RTL4: variants seen among roughly 807,000 people sequenced by gnomAD.
The protein encoded by RTL4 is retrotransposon Gag-like protein 4.
A neutral mutation model predicts 5.3 loss-of-function variants in RTL4; 4 were observed. The observed-to-expected ratio is 0.75, with a 90% confidence interval of 0.37 to 1.72. The LOEUF (loss-of-function observed/expected upper bound fraction) is 1.72, where lower values mean the gene tolerates loss of function less well. Ranked by LOEUF, RTL4 falls within the 40% of genes most tolerant of loss-of-function variation. The probability of loss-of-function intolerance (pLI) is 0.04; values close to 1 mark genes in which losing one functional copy is unlikely to be tolerated. For missense variants in RTL4, 260 were observed against 227.1 expected (o/e 1.14, Z -0.93); for synonymous variants, 98 against 87.3 (o/e 1.12, Z -0.68).
At chrX:112,143,342 G>T in the RTL4 span, among the ~76,000 whole-genome samples, 1 of 110,601 alleles carries the variant, frequency 9.0e-6, no homozygotes, top group African/African-American at 3.3e-5. Context: ...AAATAAGTAG[G>T]TCTCAAGTAA....
At chrX:112,172,514 A>G in the RTL4 span, among the ~76,000 whole-genome samples, 1 of 111,828 alleles carries the variant, frequency 8.9e-6, no homozygotes, top group Non-Finnish European at 1.9e-5. Flanking sequence ...GATGCTGGTG[A>G]GCTTGTGTAG....
At chrX:112,328,657 C>G in the RTL4 span, among the ~76,000 whole-genome samples, 1 of 111,704 alleles carries the variant, frequency 9.0e-6, no homozygotes, top group Non-Finnish European at 1.9e-5. Flanking sequence ...ACCAAGAGGA[C>G]CTAATAGACA....
the RTL4 span, among the ~76,000 whole-genome samples, chrX:112,235,225 T>C: frequency 7.2e-5 from 8 of 111,824 alleles, no homozygotes; most frequent in Non-Finnish European, 1.5e-4. Context: ...ATCAATGGAC[T>C]CAGTCAAAGA....
At chrX:112,402,489 T>C in the RTL4 span, among the ~76,000 whole-genome samples, 156 of 109,180 alleles carry the variant, frequency 1.4e-3, 1 homozygote, top group African/African-American at 5.0e-3. Flanking sequence ...TGTTTATCCA[T>C]GTTATGCTGA....
At chrX:112,117,974 A>G in the RTL4 span, among the ~76,000 whole-genome samples, 1 of 111,780 alleles carries the variant, frequency 8.9e-6, no homozygotes, top group Non-Finnish European at 1.9e-5. Context: ...AAATTATGGT[A>G]TAACTTTAAA....
At chrX:112,129,321 T>A in the RTL4 span, among the ~76,000 whole-genome samples, 1 of 111,930 alleles carries the variant, frequency 8.9e-6, no homozygotes, top group Non-Finnish European at 1.9e-5. Flanking sequence ...TACCTGATGA[T>A]CCAGCAATTT....
the RTL4 span, among the ~76,000 whole-genome samples, chrX:112,206,486 T>G: frequency 9.0e-6 from 1 of 110,866 alleles, no homozygotes; most frequent in Non-Finnish European, 1.9e-5. Flanking sequence ...CCCAAAACAC[T>G]CTCCTCTCTA....
chrX:112,120,412 G>T, the RTL4 span, among the ~76,000 whole-genome samples: 18,607 of 110,400 alleles, frequency 0.17, 2,488 homozygotes, highest in African/African-American at 0.45. Context: ...AAGTAGCTGG[G>T]ACTACAGGCG....
chrX:112,423,603 T>G, the RTL4 span, among the ~76,000 whole-genome samples: 7 of 111,210 alleles, frequency 6.3e-5, no homozygotes, highest in East Asian at 1.7e-3. Context: ...AATCCCATAC[T>G]GACCAACTGT....
At chrX:112,182,738 C>T in the RTL4 span, among the ~76,000 whole-genome samples, 4 of 112,207 alleles carry the variant, frequency 3.6e-5, no homozygotes, top group Non-Finnish European at 7.5e-5. Flanking sequence ...AGTTGGAAAA[C>T]ACTCTTCAGG....
chrX:112,395,133 C>G, the RTL4 span, among the ~76,000 whole-genome samples: 1 of 111,756 alleles, frequency 8.9e-6, no homozygotes, highest in South Asian at 3.7e-4. Context: ...TAGTTGAAAG[C>G]TATTACTGAT....
At chrX:112,137,133 T>A in the RTL4 span, among the ~76,000 whole-genome samples, 14 of 110,937 alleles carry the variant, frequency 1.3e-4, no homozygotes, top group South Asian at 5.3e-3. Flanking sequence ...TAGGAATTCC[T>A]AGAACTCAAT....
chrX:112,367,523 C>A, the RTL4 span, among the ~76,000 whole-genome samples: 1 of 112,145 alleles, frequency 8.9e-6, no homozygotes, highest in Non-Finnish European at 1.9e-5. Context: ...CTCTATCACA[C>A]ATTTCTTGTT....
the RTL4 span, among the ~76,000 whole-genome samples, chrX:112,190,180 C>CTTTCTTTCTTTCTTTCTT: frequency 1.4e-3 from 143 of 100,427 alleles, 1 homozygote; most frequent in African/African-American, 3.9e-3. Flanking sequence ...TTCTTTCTTT[C>CTTTCTTTCTTTCTTTCTT]TTTCTTTCTT....
chrX:112,189,170 G>A, the RTL4 span, among the ~76,000 whole-genome samples: 13 of 111,003 alleles, frequency 1.2e-4, no homozygotes, highest in African/African-American at 4.3e-4. Flanking sequence ...AAGGTAGGAA[G>A]ATTGCTTGAA....
At chrX:112,238,574 T>C in the RTL4 span, among the ~76,000 whole-genome samples, 16 of 111,757 alleles carry the variant, frequency 1.4e-4, no homozygotes, top group African/African-American at 4.9e-4. Flanking sequence ...CTCTTAAAAA[T>C]AAAAATCTAT....
chrX:112,265,016 C>T, the RTL4 span, among the ~76,000 whole-genome samples: 1 of 112,054 alleles, frequency 8.9e-6, no homozygotes, highest in Admixed American at 9.5e-5. Flanking sequence ...GCACCATCAA[C>T]ATTTTCAGTG....
the RTL4 span, among the ~76,000 whole-genome samples, chrX:112,268,077 C>T: frequency 1.8e-5 from 2 of 111,634 alleles, no homozygotes; most frequent in East Asian, 5.7e-4. Flanking sequence ...TGCCATTTCA[C>T]TCAGATGAAA....
the RTL4 span, among the ~76,000 whole-genome samples, chrX:112,132,054 G>A: frequency 9.0e-6 from 1 of 111,653 alleles, no homozygotes. Context: ...CTGAATCCAG[G>A]TCTGCTTGTC....
Sources: gnomAD v4.1 joint callset for allele counts (sites outside exome capture counted in the v4.1 genomes callset) on GRCh38, gnomAD v4.1.1 for gene constraint, MANE v1.5 for transcripts, NCBI Gene and HGNC (gene_info 2026-07-23, HGNC 2026-07-21) for gene names.